Variants in ROBO2 observed in about 807,000 individuals in gnomAD.
ROBO2 encodes roundabout guidance receptor 2.
In ROBO2, 53 loss-of-function variants were observed where a neutral mutation model predicts 160.8. That is an observed-to-expected ratio of 0.33 (90% CI 0.26 to 0.41). The LOEUF (loss-of-function observed/expected upper bound fraction) is 0.41. Among genes scored for constraint, ROBO2 ranks in the 10% least tolerant of loss-of-function variants. ROBO2 has a pLI of 1.00. For synonymous variants in ROBO2, 664 were observed against 611.7 expected (o/e 1.09, Z -1.26); for missense variants, 1,577 against 1,722.4 (o/e 0.92, Z 1.49).
chr3:77,081,070 G>A (rs2068602205), intron 1 of ROBO2, among the ~76,000 whole-genome samples: 1 of 152,056 alleles, frequency 6.6e-6, no homozygotes, highest in Non-Finnish European at 1.5e-5. Context: ...CATGTTTGTT[G>A]TGTGTTTGAC....
chr3:77,038,545 G>T (rs2063770961), upstream of ROBO2, among the ~76,000 whole-genome samples: 1 of 152,090 alleles, frequency 6.6e-6, no homozygotes, highest in Non-Finnish European at 1.5e-5. Flanking sequence ...GCCCCTTCTG[G>T]AGAGAACCTT....
At chr3:76,456,715 A>C (rs1476287700) in intron 2 of ROBO2, among the ~76,000 whole-genome samples, 4 of 152,138 alleles carry the variant, frequency 2.6e-5, no homozygotes, top group Non-Finnish European at 5.9e-5. Context: ...GTTTTAGTCC[A>C]TTTTCATGTT....
intron 2 of ROBO2, among the ~76,000 whole-genome samples, chr3:75,945,275 T>C (rs998696217): frequency 1.3e-5 from 2 of 152,074 alleles, no homozygotes; most frequent in African/African-American, 4.8e-5. Context: ...CAGATTATTT[T>C]GATAGGGTAA....
intron 2 of ROBO2, among the ~76,000 whole-genome samples, chr3:76,803,755 A>G (rs996786462): frequency 3.9e-5 from 6 of 152,168 alleles, no homozygotes; most frequent in Admixed American, 3.9e-4. Context: ...CAAGTTGGAC[A>G]ACTAAAACAA....
intron 2 of ROBO2, among the ~76,000 whole-genome samples, chr3:77,415,338 C>A (rs1169751339): frequency 6.6e-6 from 1 of 152,094 alleles, no homozygotes; most frequent in African/African-American, 2.4e-5. Context: ...GAATATTTTT[C>A]TATAAACATC....
intron 2 of ROBO2, among the ~76,000 whole-genome samples, chr3:76,612,379 C>T (rs35263521): frequency 0.16 from 24,437 of 152,032 alleles, 2,154 homozygotes; most frequent in Middle Eastern, 0.19. Context: ...ATTACTATAT[C>T]GGGGTCTATC....
At chr3:77,111,390 G>A (rs192058355) in intron 2 of ROBO2, among the ~76,000 whole-genome samples, 121 of 152,050 alleles carry the variant, frequency 8.0e-4, no homozygotes, top group African/African-American at 2.7e-3. Context: ...ATTAGTTGTC[G>A]AGCTATCTTA....
intron 2 of ROBO2, among the ~76,000 whole-genome samples, chr3:76,604,214 T>C (rs919273462): frequency 3.9e-5 from 6 of 152,200 alleles, no homozygotes; most frequent in East Asian, 1.9e-4. Flanking sequence ...TGTGTGTCTA[T>C]AGCACAAATA....
intron 2 of ROBO2, among the ~76,000 whole-genome samples, chr3:76,675,896 TAA>T (rs1291970666): frequency 2.0e-5 from 3 of 152,190 alleles, no homozygotes; most frequent in Non-Finnish European, 4.4e-5. Flanking sequence ...GAAAGAGTTA[TAA>T]GACCATGGAC....
chr3:76,682,431 C>T (rs560788781), intron 2 of ROBO2, among the ~76,000 whole-genome samples: 2 of 112,290 alleles, frequency 1.8e-5, no homozygotes, highest in Admixed American at 8.7e-5. Flanking sequence ...TCTTTTGAGA[C>T]GGAGTCTTGC....
rs116719985 is a variant in ROBO2 at position 77,275,599 on chromosome 3, C to T, written c.388+177259C>T. 8.8e-3 allele frequency among the ~76,000 whole-genome samples: 1,342 copies of T among 152,218 alleles called. 21 individuals are homozygous for T. Among genetic ancestry groups the T allele is most frequent in the African/African-American group, 0.03 (1,259 of 41,532 alleles). ...ACTGCTATAAAAATGCAAGTATCTC[C>T]AGGGTTTTTCTACATTCTCTTTTCT... On this transcript the variant is annotated intron_variant, in intron 2 of 25. Transcript: ENST00000461745.
intron 2 of ROBO2, among the ~76,000 whole-genome samples, chr3:77,265,901 G>T (rs115328731): frequency 0.017 from 2,608 of 152,252 alleles, 80 homozygotes; most frequent in African/African-American, 0.059. Flanking sequence ...AATGCATAGG[G>T]TTTATGGGAA....
At chr3:76,334,637 C>CA (rs2073742179) in intron 2 of ROBO2, among the ~76,000 whole-genome samples, 1 of 151,998 alleles carries the variant, frequency 6.6e-6, no homozygotes, top group African/African-American at 2.4e-5. Flanking sequence ...AATCCGTGCC[C>CA]AATGGAGATC....
chr3:75,988,620 T>C (rs1425702506), intron 2 of ROBO2, among the ~76,000 whole-genome samples: 1 of 152,092 alleles, frequency 6.6e-6, no homozygotes, highest in African/African-American at 2.4e-5. Flanking sequence ...GAAGCTTTTA[T>C]AACTATAACT....
At chr3:76,542,999 C>A (rs767037484) in intron 2 of ROBO2, among the ~76,000 whole-genome samples, 3 of 152,144 alleles carry the variant, frequency 2.0e-5, no homozygotes, top group Admixed American at 6.6e-5. Flanking sequence ...GCCGTCTTCT[C>A]TTTTTGTCTT....
chr3:76,428,063 T>A (rs2076290431), intron 2 of ROBO2, among the ~76,000 whole-genome samples: 1 of 151,816 alleles, frequency 6.6e-6, no homozygotes, highest in African/African-American at 2.4e-5. Flanking sequence ...AATGGATGAC[T>A]TTTTTTTCTC....
At chr3:76,031,519 T>A (rs1294399505) in intron 2 of ROBO2, among the ~76,000 whole-genome samples, 1 of 152,198 alleles carries the variant, frequency 6.6e-6, no homozygotes, top group Non-Finnish European at 1.5e-5. Context: ...TAGCTCTTAT[T>A]ATTTTGAGAT....
chr3:77,318,008 T>G (rs1560520822), intron 2 of ROBO2, among the ~76,000 whole-genome samples: 1 of 149,752 alleles, frequency 6.7e-6, no homozygotes, highest in African/African-American at 2.5e-5. Context: ...TTTATTTTAT[T>G]TTATGTTATT....
At chr3:76,091,774 G>GAAA (rs1361273892) in intron 2 of ROBO2, among the ~76,000 whole-genome samples, 1 of 152,112 alleles carries the variant, frequency 6.6e-6, no homozygotes, top group Non-Finnish European at 1.5e-5. Flanking sequence ...ATCAAGCTAT[G>GAAA]AAAAACATGG....
Sources: gnomAD v4.1 joint callset for allele counts (sites outside exome capture counted in the v4.1 genomes callset) on GRCh38, gnomAD v4.1.1 for gene constraint, MANE v1.5 for transcripts, NCBI Gene and HGNC (gene_info 2026-07-23, HGNC 2026-07-21) for gene names.